IMMP2L: variants seen among roughly 807,000 people sequenced by gnomAD.
IMMP2L encodes the protein mitochondrial inner membrane protease subunit 2.
IMMP2L carries 18 observed loss-of-function variants against 19.3 expected under a neutral mutation model. The ratio of observed to expected loss-of-function variants is 0.93; its 90% confidence interval spans 0.64 to 1.38. The LOEUF is 1.38. Ranked by LOEUF, IMMP2L falls within the 40% of genes most tolerant of loss-of-function variation. The pLI is 0.00. For synonymous variants in IMMP2L, 76 were observed against 73.0 expected (o/e 1.04, Z -0.21); for missense variants, 233 against 218.2 (o/e 1.07, Z -0.43).
chr7:111,263,769 T>C (rs1452884244), intron 3 of IMMP2L, among the ~76,000 whole-genome samples: 2 of 151,968 alleles, frequency 1.3e-5, no homozygotes, highest in African/African-American at 2.4e-5. Flanking sequence ...GATGACTGAG[T>C]AGCGACTAGG....
chr7:110,715,676 G>A (rs1460172470), intron 5 of IMMP2L, among the ~76,000 whole-genome samples: 1 of 152,006 alleles, frequency 6.6e-6, no homozygotes, highest in Non-Finnish European at 1.5e-5. Context: ...AGACTTTTTT[G>A]TGGTCTGTCT....
chr7:110,707,170 C>A (rs1177909194), intron 5 of IMMP2L, among the ~76,000 whole-genome samples: 1 of 69,740 alleles, frequency 1.4e-5, no homozygotes, highest in East Asian at 4.0e-4. Context: ...CCGACCCCAC[C>A]ACAGTCCCCA....
intron 5 of IMMP2L, among the ~76,000 whole-genome samples, chr7:110,723,865 A>T (rs1584617445): frequency 6.6e-6 from 1 of 152,070 alleles, no homozygotes; most frequent in East Asian, 1.9e-4. Context: ...GGGAAAAAAA[A>T]AAAAAAAAGA....
intron 3 of IMMP2L, among the ~76,000 whole-genome samples, chr7:111,254,965 G>T (rs989408611): frequency 7.2e-5 from 11 of 151,960 alleles, no homozygotes; most frequent in African/African-American, 2.4e-4. Flanking sequence ...TTAACATAAT[G>T]CAGAAAAATG....
At chr7:110,763,511 A>G (rs1307701667) in intron 5 of IMMP2L, among the ~76,000 whole-genome samples, 2 of 152,110 alleles carry the variant, frequency 1.3e-5, no homozygotes, top group Non-Finnish European at 2.9e-5. Context: ...AAATGTTTCC[A>G]TCTCAAATAT....
chr7:110,825,798 C>T (rs377316200), intron 5 of IMMP2L, among the ~76,000 whole-genome samples: 1 of 152,288 alleles, frequency 6.6e-6, no homozygotes, highest in East Asian at 1.9e-4. Flanking sequence ...ATGTCTAAAA[C>T]ACCAAAAGCA....
At chr7:111,487,766 A>G (rs1187607151) in intron 2 of IMMP2L, among the ~76,000 whole-genome samples, 1 of 152,148 alleles carries the variant, frequency 6.6e-6, no homozygotes, top group Non-Finnish European at 1.5e-5. Context: ...AGTCATGTCC[A>G]CAAATCTTCA....
intron 3 of IMMP2L, among the ~76,000 whole-genome samples, chr7:110,970,530 C>A (rs897657520): frequency 6.6e-6 from 1 of 152,048 alleles, no homozygotes; most frequent in African/African-American, 2.4e-5. Context: ...ATCATATTCC[C>A]TAATTTATTT....
intron 3 of IMMP2L, among the ~76,000 whole-genome samples, chr7:111,071,111 T>A (rs958044462): frequency 2.0e-5 from 3 of 152,192 alleles, no homozygotes; most frequent in East Asian, 1.9e-4. Context: ...AACAAGTACA[T>A]GAAAAAAATT....
At chr7:110,936,469 T>C (rs991617932) in intron 4 of IMMP2L, among the ~76,000 whole-genome samples, 4 of 152,184 alleles carry the variant, frequency 2.6e-5, no homozygotes, top group Non-Finnish European at 5.9e-5. Flanking sequence ...TCACTGGTCA[T>C]TAGAGAAATG....
At chr7:110,736,266 T>C (rs1178317634) in intron 5 of IMMP2L, among the ~76,000 whole-genome samples, 3 of 152,118 alleles carry the variant, frequency 2.0e-5, no homozygotes, top group Non-Finnish European at 2.9e-5. Flanking sequence ...AGAAAGCCCC[T>C]AGTAAGGTAA....
At chr7:111,207,493 T>C (rs924535515) in intron 3 of IMMP2L, among the ~76,000 whole-genome samples, 3 of 151,558 alleles carry the variant, frequency 2.0e-5, no homozygotes, top group African/African-American at 4.8e-5. Flanking sequence ...CTAGCAAAGA[T>C]AGAGGCTTGC....
intron 3 of IMMP2L, among the ~76,000 whole-genome samples, chr7:111,310,813 G>C (rs1235000791): frequency 6.6e-6 from 1 of 152,074 alleles, no homozygotes; most frequent in Non-Finnish European, 1.5e-5. Context: ...CGTATACCAA[G>C]TGCCAGAGAC....
intron 3 of IMMP2L, among the ~76,000 whole-genome samples, chr7:111,096,113 A>G (rs1319297136): frequency 2.0e-5 from 3 of 152,062 alleles, no homozygotes; most frequent in East Asian, 1.9e-4. Context: ...AATTGTGAAT[A>G]TTTGTTTAAA....
In IMMP2L at chr7:111,273,094, A is replaced by G. The variant is rs1818649225; in HGVS notation, c.239+214144T>C. On this transcript the variant is annotated intron_variant, in intron 3 of 5. Coordinates refer to ENST00000405709, the MANE Select transcript of IMMP2L (RefSeq NM_032549.4). ...GGAGTTCAAGACCAGCCTGGCCAAC[A>G]TGGTGAAACCCCATCTCTACTAAAA... is the stretch of plus-strand genomic sequence containing the variant. Among the ~76,000 whole-genome samples, 6 of 152,068 alleles carry G rather than the reference A, an allele frequency of 3.9e-5. No individual in the cohort carries two copies. In the South Asian group the frequency reaches 1.2e-3, roughly 32 times the overall value.
chr7:110,931,627 A>C (rs1815496225), intron 4 of IMMP2L, among the ~76,000 whole-genome samples: 1 of 152,086 alleles, frequency 6.6e-6, no homozygotes, highest in Non-Finnish European at 1.5e-5. Flanking sequence ...CCGAGTCACC[A>C]TCATTGCTTC....
At chr7:111,145,948 A>G (rs1329355825) in intron 3 of IMMP2L, among the ~76,000 whole-genome samples, 3 of 152,152 alleles carry the variant, frequency 2.0e-5, no homozygotes, top group African/African-American at 7.2e-5. Flanking sequence ...ACGCCCATTC[A>G]GAGTAATTAT....
chr7:111,402,061 G>A (rs1049368804), intron 3 of IMMP2L, among the ~76,000 whole-genome samples: 2 of 150,926 alleles, frequency 1.3e-5, no homozygotes, highest in African/African-American at 2.4e-5. Context: ...AGTGAGCTAC[G>A]ACTGTGCTTG....
At chr7:110,837,274 G>A (rs1804584846) in intron 5 of IMMP2L, among the ~76,000 whole-genome samples, 1 of 151,716 alleles carries the variant, frequency 6.6e-6, no homozygotes, top group African/African-American at 2.4e-5. Context: ...TGGTATTCCA[G>A]TTTAGGAGAG....
Sources: allele counts gnomAD v4.1 joint callset (sites outside exome capture counted in the v4.1 genomes callset), GRCh38; gene constraint gnomAD v4.1.1; transcripts MANE v1.5; gene names NCBI Gene and HGNC (gene_info 2026-07-23, HGNC 2026-07-21).